Variants in TUBGCP4 observed in about 807,000 individuals in gnomAD.
TUBGCP4 encodes gamma-tubulin complex component 4.
TUBGCP4 carries 54 observed loss-of-function variants against 91.6 expected under a neutral mutation model. The ratio of observed to expected loss-of-function variants is 0.59; its 90% CI spans 0.47 to 0.74. TUBGCP4 has a LOEUF of 0.74. Ranked by LOEUF, TUBGCP4 falls within the 30% of genes least tolerant of loss-of-function variation. The pLI, the probability that TUBGCP4 is intolerant of heterozygous loss-of-function variation, is 0.00. For synonymous variants in TUBGCP4, 297 were observed against 302.8 expected (o/e 0.98, Z 0.20); for missense variants, 593 against 800.9 (o/e 0.74, Z 3.13).
chr15:43,376,765 G>A (rs2044211785), intron 3 of TUBGCP4, 140 bp downstream of exon 3: 1 of 1,242,876 alleles, frequency 8.0e-7, no homozygotes, highest in Non-Finnish European at 1.1e-6. Context: ...TGTTCTCTCA[G>A]TGATTGCCCA....
At position 43,409,000 on chromosome 15, in the gene TUBGCP4, G is replaced by A. The variant is rs780546857; in HGVS notation, c.*3786G>A. On this transcript the variant is annotated 3_prime_UTR_variant, in exon 18 of 18. Transcript: ENST00000564079. The stretch of plus-strand genomic sequence containing the variant: ...TGGCAACTATCATGGACCCAGACAT[G>A]AGACACACAAGGAATCCCACTGGCA... The A allele has an allele frequency of 1.9e-6, 3 of 1,614,176 alleles. No homozygotes were observed. The highest frequency in any genetic ancestry group is 1.6e-4 in the Middle Eastern group (1 of 6,062).
chr15:43,385,981 C>G, intron 8 of TUBGCP4, 25 bp downstream of exon 8: 2 of 1,611,488 alleles, frequency 1.2e-6, no homozygotes, highest in South Asian at 2.2e-5. Flanking sequence ...GTCCAATGTA[C>G]CACACCCTCA....
At chr15:43,377,143 T>C (rs1260448156) in intron 4 of TUBGCP4, 76 bp downstream of exon 4, 1 of 1,306,640 alleles carries the variant, frequency 7.7e-7, no homozygotes, top group Non-Finnish European at 1.1e-6. Context: ...GTACTGTTTT[T>C]GAGAACTTTT....
At chr15:43,372,636 G>A (rs1382758473) in intron 1 of TUBGCP4, among the ~76,000 whole-genome samples, 1 of 151,252 alleles carries the variant, frequency 6.6e-6, no homozygotes, top group African/African-American at 2.4e-5. Context: ...AGGGGGTGGG[G>A]GAGACAACCA....
chr15:43,378,680 C>T (rs2142777364), intron 5 of TUBGCP4, among the ~76,000 whole-genome samples: 1 of 152,322 alleles, frequency 6.6e-6, no homozygotes, highest in African/African-American at 2.4e-5. Flanking sequence ...GCCAGCAAAG[C>T]CAGTGGTGGG....
In TUBGCP4 at chr15:43,390,032, C is replaced by T. The variant is rs997307902; in HGVS notation, c.1014+3702C>T. 6.6e-5 allele frequency among the ~76,000 whole-genome samples: 10 copies of T among 152,208 alleles called. No individual in the cohort carries two copies. The East Asian group carries it at 1.2e-3, about 18-fold the overall frequency. On this transcript the variant is annotated intron_variant, in intron 9 of 17. Transcript: ENST00000564079. ...CTCCCACCGGGTTCCTCCCACAACACGTGGGAGTTATGGAAGCTACAATTC... is the reference window on the plus strand; with the variant it reads ...CTCCCACCGGGTTCCTCCCACAACATGTGGGAGTTATGGAAGCTACAATTC...
At chr15:43,403,249 A>T (rs1034085036) in intron 15 of TUBGCP4, 1 of 158,210 alleles carries the variant, frequency 6.3e-6, no homozygotes, top group African/African-American at 2.4e-5. Flanking sequence ...GGACAACAGT[A>T]CAGATAATAA....
At position 43,408,733 on chromosome 15, in the gene TUBGCP4, G is replaced by A; in HGVS notation, c.*3519G>A. On this transcript the variant is annotated 3_prime_UTR_variant, in exon 18 of 18. Transcript: ENST00000564079. ...AAGGTTCCTAGCCAATGTAACCTAGGGAAATAAACTAGATAAACTCCTGAA... is the reference window on the plus strand; with the variant it reads ...AAGGTTCCTAGCCAATGTAACCTAGAGAAATAAACTAGATAAACTCCTGAA... 1 of 667,244 alleles carries A rather than the reference G, an allele frequency of 1.5e-6. No homozygotes were observed. Among genetic ancestry groups the A allele is most frequent in the South Asian group, 2.0e-5 (1 of 51,154 alleles). The allele number at this position is 667,244 out of a possible 1,614,324, so 41.3% of individuals were successfully genotyped here.
chr15:43,404,797 G>C (rs1357815199), intron 17 of TUBGCP4: 2 of 518,886 alleles, frequency 3.9e-6, no homozygotes, highest in African/African-American at 3.8e-5. Context: ...GCTAGGTTAT[G>C]TATTGCTATG....
intron 15 of TUBGCP4, chr15:43,402,985 A>C (rs2142890530): frequency 6.6e-6 from 1 of 152,362 alleles, no homozygotes; most frequent in African/African-American, 2.4e-5. Flanking sequence ...AACAACCAAG[A>C]ACTACTGTGA....
Position 43,407,287 on chromosome 15 carries a change from T to C in TUBGCP4, c.*2073T>C. 3 of 1,027,610 alleles carry C rather than the reference T, an allele frequency of 2.9e-6. No homozygotes were observed. The highest frequency in any genetic ancestry group is 4.8e-5 in the East Asian group (2 of 41,528). The allele number at this position is 1,027,610 out of a possible 1,614,324, so 63.7% of individuals were successfully genotyped here. A position where few individuals can be genotyped will look rare whatever the true frequency, so the allele number is the denominator to read the frequency against. ...CAAATAAAACTATATACAAGATCCA[T>C]GCAAGGAATCCAGTTACACACAAGA... On this transcript the variant is annotated 3_prime_UTR_variant, in exon 18 of 18. Coordinates refer to ENST00000564079, the MANE Select transcript of TUBGCP4 (RefSeq NM_014444.5).
chr15:43,385,640 CA>C, intron 7 of TUBGCP4, 150 bp from the exon 8 acceptor site: 2 of 724,830 alleles, frequency 2.8e-6, no homozygotes, highest in Non-Finnish European at 2.2e-6. Context: ...TACATCTCTC[CA>C]AAATGGGTGG....
At position 43,407,246 on chromosome 15, in the gene TUBGCP4, T is replaced by TATC; in HGVS notation, c.*2035_*2037dup. On this transcript the variant is annotated 3_prime_UTR_variant, in exon 18 of 18. Coordinates refer to ENST00000564079, the MANE Select transcript of TUBGCP4 (RefSeq NM_014444.5). ...AACCAAAGAGATTCAACATTTATTTTATCATAAAAGTTCAGCAAATAAAAC... is the reference window on the plus strand; with the variant it reads ...AACCAAAGAGATTCAACATTTATTTTATCATCATAAAAGTTCAGCAAATAAAAC... 2.8e-6 allele frequency: 2 copies of TATC among 718,840 alleles called. No homozygotes were observed. Among genetic ancestry groups the TATC allele is most frequent in the East Asian group, 2.7e-5 (1 of 37,114 alleles). The allele number at this position is 718,840 out of a possible 1,614,324, so 44.5% of individuals were successfully genotyped here. A position where few individuals can be genotyped will look rare whatever the true frequency, so the allele number is the denominator to read the frequency against.
Position 43,371,345 on chromosome 15 carries a change from C to A in TUBGCP4, c.-10C>A. 1 of 1,613,390 alleles carries A rather than the reference C, an allele frequency of 6.2e-7. No individual in the cohort carries two copies. Among genetic ancestry groups the A allele is most frequent in the Non-Finnish European group, 8.5e-7 (1 of 1,179,752 alleles). ...GTGACATAACCAGGGACTCGAGGTC[C>A]GCCGTGGGAATGATCCACGAACTGC... On this transcript the variant is annotated 5_prime_UTR_variant, in exon 1 of 18. Coordinates refer to ENST00000564079, the MANE Select transcript of TUBGCP4 (RefSeq NM_014444.5).
intron 10 of TUBGCP4, 146 bp downstream of exon 10, chr15:43,395,303 T>G: frequency 1.2e-6 from 1 of 848,850 alleles, no homozygotes; most frequent in Admixed American, 2.1e-5. Flanking sequence ...AAACTATACC[T>G]AATGCCACAA....
chr15:43,400,998 G>A (rs939852041), intron 14 of TUBGCP4, among the ~76,000 whole-genome samples: 21 of 151,408 alleles, frequency 1.4e-4, no homozygotes, highest in African/African-American at 4.6e-4. Context: ...ATGAACCACC[G>A]CCACACCAGC....
intron 7 of TUBGCP4, 92 bp downstream of exon 7, chr15:43,383,596 T>C (rs2044315863): frequency 9.0e-7 from 1 of 1,108,144 alleles, no homozygotes; most frequent in South Asian, 1.7e-5. Flanking sequence ...TCTTAGCTCA[T>C]AGCTGAGCAC....
At position 43,376,371 on chromosome 15, in the gene TUBGCP4, G is replaced by A. The variant is rs2044205051; in HGVS notation, c.208-132G>A. The A allele has an allele frequency of 1.9e-6, 3 of 1,600,058 alleles. No homozygotes were observed. In the South Asian group the frequency reaches 3.3e-5, roughly 18 times the overall value. On this transcript the variant is annotated intron_variant, in intron 2 of 17. Transcript: ENST00000564079. Reference sequence around the variant, plus strand: ...ATAAGTTATGGATTTCTCATCACTAGAAATATTCAAGTGAAGGCAAGGCCT... The same window carrying A: ...ATAAGTTATGGATTTCTCATCACTAAAAATATTCAAGTGAAGGCAAGGCCT...
At position 43,372,420 on chromosome 15, in the gene TUBGCP4, GA is replaced by G. The variant is rs540904360; in HGVS notation, c.78+995del. ...AGTTTGGGAGTTTAGGTGAATTTTT[GA>G]AAAAAACAGGTGAAGATTTGTGTGG... On this transcript the variant is annotated intron_variant, in intron 1 of 17. Transcript: ENST00000564079. Among the ~76,000 whole-genome samples, 286 of 152,102 alleles carry G rather than the reference GA, an allele frequency of 1.9e-3. 1 individual carries two copies. The highest frequency in any genetic ancestry group is 6.6e-3 in the African/African-American group (272 of 41,498).
Sources: gnomAD v4.1 joint callset for allele counts (sites outside exome capture counted in the v4.1 genomes callset) on GRCh38, gnomAD v4.1.1 for gene constraint, MANE v1.5 for transcripts, NCBI Gene and HGNC (gene_info 2026-07-23, HGNC 2026-07-21) for gene names.